The following MINK1 variants were observed in gnomAD, a reference collection of about 807,000 sequenced individuals.
MINK1 encodes misshapen like kinase 1.
A neutral mutation model predicts 178.4 loss-of-function variants in MINK1; 46 were observed. The ratio of observed to expected loss-of-function variants is 0.26; its 90% CI spans 0.20 to 0.33. MINK1 has a LOEUF of 0.33. Ranked by LOEUF, MINK1 falls within the 10% of genes least tolerant of loss-of-function variation. MINK1 has a pLI of 1.00. For synonymous variants in MINK1, 797 were observed against 709.7 expected (o/e 1.12, Z -1.96); for missense variants, 1,366 against 1,814.9 (o/e 0.75, Z 4.49).
At chr17:4,841,108 G>A (rs552225256) in intron 1 of MINK1, among the ~76,000 whole-genome samples, 1 of 152,126 alleles carries the variant, frequency 6.6e-6, no homozygotes, top group Non-Finnish European at 1.5e-5. Flanking sequence ...CAGGCGACGT[G>A]GGGAGTGTCT....
chr17:4,891,425 G>A, intron 15 of MINK1, 31 bp from the exon 16 acceptor site: 2 of 1,524,598 alleles, frequency 1.3e-6, no homozygotes, highest in Non-Finnish European at 1.8e-6. Flanking sequence ...CATGGAGCAG[G>A]CAGCCCACCC....
chr17:4,841,720 G>A (rs1197309072), intron 1 of MINK1, among the ~76,000 whole-genome samples: 1 of 152,060 alleles, frequency 6.6e-6, no homozygotes, highest in African/African-American at 2.4e-5. Context: ...CACAGTAGGG[G>A]TTCAGAAATT....
chr17:4,887,794 G>A lies in MINK1; in HGVS notation c.1230+4G>A. 6.7e-7 allele frequency: 1 copy of A among 1,500,188 alleles called. No homozygotes were observed. 92.9% of individuals were successfully genotyped at this position (1,500,188 alleles called of 1,614,324 possible). On this transcript the variant is annotated splice_donor_region_variant and intron_variant, in intron 12 of 31. Transcript: ENST00000355280. The surrounding 1 kb of genome is among the most constrained non-coding windows in gnomAD (Gnocchi z 7.6). ...GGAGCGGCGCCGCGTGGAGGAGGTG[G>A]GCTGTCTCCGAAGGGCCCAGGCCTG...
rs538210215 is a variant in MINK1 at position 4,848,523 on chromosome 17, G to A, written c.57+14883G>A. Among the ~76,000 whole-genome samples, 863 of 152,238 alleles carry A rather than the reference G, an allele frequency of 5.7e-3. 12 individuals are homozygous for A. The highest frequency in any genetic ancestry group is 0.02 in the African/African-American group (817 of 41,538). ...CTACAGGCACCTGCCACCACACCTG[G>A]CTAATTTTTTGTATTTTTAGTAGAG... On this transcript the variant is annotated intron_variant, in intron 1 of 31. Coordinates refer to ENST00000355280, the MANE Select transcript of MINK1 (RefSeq NM_153827.5).
At chr17:4,897,054 C>G (rs1969599169) in intron 31 of MINK1, 150 bp from the exon 32 acceptor site, 1 of 873,884 alleles carries the variant, frequency 1.1e-6, no homozygotes, top group Non-Finnish European at 1.8e-6. Context: ...GCCTGCCTTT[C>G]CTCCGGGTGA....
chr17:4,837,798 C>T (rs946871130), intron 1 of MINK1, among the ~76,000 whole-genome samples: 9 of 152,150 alleles, frequency 5.9e-5, no homozygotes, highest in Non-Finnish European at 8.8e-5. Context: ...CTATGCTTAG[C>T]GTCGCTGGAT....
intron 1 of MINK1, among the ~76,000 whole-genome samples, chr17:4,857,549 C>T (rs1913396772): frequency 6.8e-6 from 1 of 147,254 alleles, no homozygotes; most frequent in South Asian, 2.2e-4. Flanking sequence ...TCACTTCAAC[C>T]TCTGCCTCCA....
chr17:4,850,918 C>T, intron 1 of MINK1: 1 of 415,960 alleles, frequency 2.4e-6, no homozygotes, highest in Non-Finnish European at 4.9e-6. Context: ...CCTTTCTGCC[C>T]CCTCCCACTG....
chr17:4,858,827 G>T (rs181175930), intron 1 of MINK1, among the ~76,000 whole-genome samples: 2 of 152,182 alleles, frequency 1.3e-5, no homozygotes, highest in Non-Finnish European at 2.9e-5. Flanking sequence ...GTCAGTCCTG[G>T]TATGGTTAGT....
intron 1 of MINK1, among the ~76,000 whole-genome samples, chr17:4,868,569 T>C (rs1199127019): frequency 6.6e-6 from 1 of 152,180 alleles, no homozygotes; most frequent in African/African-American, 2.4e-5. Context: ...GGCTCTTCCA[T>C]GTTGCTGCAA....
At chr17:4,844,966 C>A (rs1288235332) in intron 1 of MINK1, among the ~76,000 whole-genome samples, 1 of 152,194 alleles carries the variant, frequency 6.6e-6, no homozygotes, top group Admixed American at 6.5e-5. Context: ...TCCAGAACTT[C>A]TTCATCCTCC....
chr17:4,838,758 G>A (rs2150732789), intron 1 of MINK1, among the ~76,000 whole-genome samples: 1 of 152,266 alleles, frequency 6.6e-6, no homozygotes, highest in South Asian at 2.1e-4. Flanking sequence ...AGTTGAATCA[G>A]AGAAAGTTAT....
At chr17:4,872,388 C>G (rs1038742340) in intron 1 of MINK1, among the ~76,000 whole-genome samples, 4 of 151,688 alleles carry the variant, frequency 2.6e-5, no homozygotes, top group Admixed American at 6.6e-5. Context: ...CCTGTAATCC[C>G]AGCAGTTTGG....
In MINK1 at chr17:4,887,438, G is replaced by GT; in HGVS notation, c.1020-141dup. The GT allele has an allele frequency of 1.2e-6, 1 of 820,278 alleles. No homozygotes were observed. Among genetic ancestry groups the GT allele is most frequent in the East Asian group, 2.7e-5 (1 of 36,982 alleles). 50.8% of individuals were successfully genotyped at this position (820,278 alleles called of 1,614,324 possible). A position where few individuals can be genotyped will look rare whatever the true frequency, so the allele number is the denominator to read the frequency against. ...ACTGAAGACTGGGCAGAAGGGGACG[G>GT]TAAGTCTCCTGGCCACCTGGGAGTG... On this transcript the variant is annotated intron_variant, in intron 11 of 31. Coordinates refer to ENST00000355280, the MANE Select transcript of MINK1 (RefSeq NM_153827.5). The surrounding 1 kb of genome is among the most constrained non-coding windows in gnomAD (Gnocchi z 7.6).
chr17:4,890,088 T>G, intron 13 of MINK1: 1 of 421,400 alleles, frequency 2.4e-6, no homozygotes. Flanking sequence ...CCCCTACCTC[T>G]CTCTTACTCT....
At position 4,894,100 on chromosome 17, in the gene MINK1, G is replaced by A. The variant is rs1353501968; in HGVS notation, c.2670+7G>A. On this transcript the variant is annotated splice_region_variant and intron_variant, in intron 22 of 31. Transcript: ENST00000355280. The surrounding 1 kb of genome is among the most constrained non-coding windows in gnomAD (Gnocchi z 4.1). ...CACCATGGTGGTCCAGCGCGTGAGT[G>A]AGCCTCTGCTCCCTCCCCTGTACCT... The A allele has an allele frequency of 6.3e-7, 1 of 1,596,408 alleles. No homozygotes were observed. Among genetic ancestry groups the A allele is most frequent in the Non-Finnish European group, 8.5e-7 (1 of 1,169,644 alleles).
intron 1 of MINK1, among the ~76,000 whole-genome samples, chr17:4,845,193 G>A (rs757724891): frequency 2.4e-4 from 36 of 152,100 alleles, no homozygotes; most frequent in Non-Finnish European, 4.7e-4. Context: ...CCCCCTCCCA[G>A]CTCTAATGCA....
At position 4,896,542 on chromosome 17, in the gene MINK1, C is replaced by G; in HGVS notation, c.3729C>G (p.Ile1243Met). 6.2e-7 allele frequency: 1 copy of G among 1,613,978 alleles called. No homozygotes were observed. Among genetic ancestry groups the G allele is most frequent in the Non-Finnish European group, 8.5e-7 (1 of 1,179,874 alleles). Residue 1243 changes from isoleucine (I) to methionine (M), a missense_variant, in exon 30 of 32, where the codon ATC (isoleucine) becomes ATG (methionine). Around this residue, in one of 14 missense-constraint regions of MINK1, gnomAD observed 201 missense variants for 240.7 expected, o/e 0.84. Coordinates refer to ENST00000355280, the MANE Select transcript of MINK1 (RefSeq NM_153827.5). The surrounding 1 kb of genome is among the most constrained non-coding windows in gnomAD (Gnocchi z 4.6). ...EGVYVNTYGRIIKDVVLQWGE... is the reference protein window; with the variant it reads ...EGVYVNTYGRMIKDVVLQWGE... Reference sequence around the variant, plus strand: ...TCTACGTCAACACGTACGGGCGCATCATTAAGGATGTGGTGCTGCAGTGGG... The same window carrying G: ...TCTACGTCAACACGTACGGGCGCATGATTAAGGATGTGGTGCTGCAGTGGG...
rs1968161359 is a variant in MINK1, at chr17:4,886,008, A to G, written c.694+43A>G. ...CGGGAGTGGGAGGGGAGGGAAAGGA[A>G]GGGCCCAGAGAGTGGCTGTAGGGAG... On this transcript the variant is annotated intron_variant, in intron 8 of 31. Transcript: ENST00000355280. This position sits in a 1 kb window ranked among gnomAD's most constrained non-coding sequence, Gnocchi z 6.1. 1 of 1,611,562 alleles carries G rather than the reference A, an allele frequency of 6.2e-7. No homozygotes were observed. The highest frequency in any genetic ancestry group is 1.7e-5 in the Admixed American group (1 of 59,998).
Sources: gnomAD v4.1 joint callset for allele counts (sites outside exome capture counted in the v4.1 genomes callset) on GRCh38, gnomAD v4.1.1 for gene constraint, gnomAD v4.1.1 regional missense constraint, Gnocchi (gnomAD v3.1) non-coding constraint, MANE v1.5 for transcripts, NCBI Gene and HGNC (gene_info 2026-07-23, HGNC 2026-07-21) for gene names.